The following SHROOM4 variants were observed in gnomAD, a reference collection of about 807,000 sequenced individuals.
The protein encoded by SHROOM4 is shroom family member 4.
In SHROOM4, 17 loss-of-function variants were observed where a neutral mutation model predicts 80.3. The ratio of observed to expected loss-of-function variants is 0.21; its 90% CI spans 0.14 to 0.32. The LOEUF is 0.32. Ranked by LOEUF, SHROOM4 falls within the 10% of genes least tolerant of loss-of-function variation. SHROOM4 has a pLI of 1.00. For synonymous variants in SHROOM4, 400 were observed against 437.5 expected (o/e 0.91, Z 1.07); for missense variants, 993 against 1,140.3 (o/e 0.87, Z 1.86).
intron 1 of SHROOM4, among the ~76,000 whole-genome samples, chrX:50,747,233 T>C (rs782403498): frequency 8.9e-6 from 1 of 112,236 alleles, no homozygotes; most frequent in Non-Finnish European, 1.9e-5. Context: ...AAGAGGAGAA[T>C]TCCAACTATA....
intron 6 of SHROOM4, among the ~76,000 whole-genome samples, chrX:50,604,870 A>G (rs1929597830): frequency 8.9e-6 from 1 of 112,106 alleles, no homozygotes; most frequent in Admixed American, 9.5e-5. Context: ...AGCAAGCTAT[A>G]CCTATACCTG....
intron 1 of SHROOM4, among the ~76,000 whole-genome samples, chrX:50,728,726 T>TA (rs199981053): frequency 0.015 from 1,599 of 109,923 alleles, 19 homozygotes; most frequent in Middle Eastern, 0.052. Flanking sequence ...TGGCTAAATG[T>TA]AAAAAAAAAT....
chrX:50,608,342 G>A (rs1929794784), intron 5 of SHROOM4, among the ~76,000 whole-genome samples, 158 bp from the exon 6 acceptor site: 1 of 111,681 alleles, frequency 9.0e-6, no homozygotes, highest in Non-Finnish European at 1.9e-5. Context: ...AATAATGATA[G>A]CTAACACTTA....
At chrX:50,675,217 T>C (rs1602424605) in intron 2 of SHROOM4, among the ~76,000 whole-genome samples, 1 of 111,394 alleles carries the variant, frequency 9.0e-6, no homozygotes, top group African/African-American at 3.3e-5. Flanking sequence ...AAATAACTAA[T>C]GAGTACTAGG....
chrX:50,594,322 C>T lies in SHROOM4; in HGVS notation c.*2373G>A, dbSNP rs1247928581. ...GTTCACCTTTATCTACCAAGCTTCACTGCTAGATATACTTTTGGGGTTATT... is the reference window on the plus strand; with the variant it reads ...GTTCACCTTTATCTACCAAGCTTCATTGCTAGATATACTTTTGGGGTTATT... On this transcript the variant is annotated 3_prime_UTR_variant, in exon 9 of 9. Coordinates refer to ENST00000376020, the MANE Select transcript of SHROOM4 (RefSeq NM_020717.5). The T allele has an allele frequency of 2.7e-5, 3 of 112,518 alleles. No homozygotes were observed. The highest frequency in any genetic ancestry group is 5.6e-5 in the Non-Finnish European group (3 of 53,301). The allele number at this position is 112,518 out of a possible 1,213,427, so 9.3% of individuals were successfully genotyped here.
At chrX:50,808,848 C>A (rs915618413) in intron 1 of SHROOM4, among the ~76,000 whole-genome samples, 1 of 110,725 alleles carries the variant, frequency 9.0e-6, no homozygotes, top group Non-Finnish European at 1.9e-5. Context: ...ATAGGCTTGA[C>A]CTTTTTTAAC....
chrX:50,622,737 C>G (rs782535442), intron 5 of SHROOM4, among the ~76,000 whole-genome samples: 17 of 112,400 alleles, frequency 1.5e-4, no homozygotes, highest in African/African-American at 5.5e-4. Context: ...GATTTCTCCT[C>G]ACAGATGTCA....
At chrX:50,599,704 T>C (rs1182581193) in intron 7 of SHROOM4, among the ~76,000 whole-genome samples, 1 of 111,554 alleles carries the variant, frequency 9.0e-6, no homozygotes, top group African/African-American at 3.3e-5. Flanking sequence ...ACCTACTCTT[T>C]ATCTCTTTCT....
chrX:50,607,312 A>G, intron 6 of SHROOM4, 69 bp downstream of exon 6: 2 of 1,131,128 alleles, frequency 1.8e-6, no homozygotes, highest in Non-Finnish European at 2.4e-6. Context: ...GTTAGTAAAT[A>G]GTGGAGGTAA....
intron 7 of SHROOM4, 61 bp from the exon 8 acceptor site, chrX:50,598,596 G>T: frequency 8.9e-7 from 1 of 1,129,755 alleles, no homozygotes; most frequent in Non-Finnish European, 1.2e-6. Flanking sequence ...AAACTGATTT[G>T]TGCCTGTAAC....
At chrX:50,808,593 C>T (rs1602531734) in intron 1 of SHROOM4, among the ~76,000 whole-genome samples, 1 of 111,035 alleles carries the variant, frequency 9.0e-6, no homozygotes, top group African/African-American at 3.3e-5. Context: ...ATTAACTTTT[C>T]TCAGATGGGT....
At chrX:50,632,536 G>T (rs1433574917) in intron 4 of SHROOM4, among the ~76,000 whole-genome samples, 1 of 112,073 alleles carries the variant, frequency 8.9e-6, no homozygotes, top group Non-Finnish European at 1.9e-5. Flanking sequence ...AGAGCAGCCA[G>T]TTTAGACCTG....
intron 1 of SHROOM4, among the ~76,000 whole-genome samples, chrX:50,788,595 G>A (rs1259458779): frequency 2.1e-5 from 2 of 97,315 alleles, no homozygotes; most frequent in African/African-American, 4.1e-5. Flanking sequence ...GTGACAAAGC[G>A]AGACTCCGTC....
At chrX:50,711,488 C>T (rs782433315) in intron 1 of SHROOM4, among the ~76,000 whole-genome samples, 6 of 111,948 alleles carry the variant, frequency 5.4e-5, no homozygotes, top group East Asian at 2.8e-4. Context: ...AACTCACCCA[C>T]GTCAGATTTT....
intron 1 of SHROOM4, among the ~76,000 whole-genome samples, chrX:50,743,555 C>T (rs147248848): frequency 0.02 from 2,168 of 110,250 alleles, 23 homozygotes; most frequent in Middle Eastern, 0.056. Context: ...CGGGCTCAAG[C>T]GACCCCCACA....
At chrX:50,631,109 G>C (rs1931042319) in intron 4 of SHROOM4, among the ~76,000 whole-genome samples, 1 of 110,922 alleles carries the variant, frequency 9.0e-6, no homozygotes, top group Non-Finnish European at 1.9e-5. Flanking sequence ...TAAAACTATA[G>C]ACTAAAATCC....
intron 1 of SHROOM4, among the ~76,000 whole-genome samples, chrX:50,744,468 T>C (rs931889069): frequency 8.9e-6 from 1 of 111,963 alleles, no homozygotes; most frequent in African/African-American, 3.2e-5. Flanking sequence ...ACTTCATTGA[T>C]ATTCTTTATT....
At chrX:50,799,932 T>C (rs1431259334) in intron 1 of SHROOM4, among the ~76,000 whole-genome samples, 1 of 112,045 alleles carries the variant, frequency 8.9e-6, no homozygotes, top group African/African-American at 3.2e-5. Flanking sequence ...GAACACAGCT[T>C]ACACACAGGA....
At chrX:50,744,511 TTCATAAAACACAG>T (rs1934734809) in intron 1 of SHROOM4, among the ~76,000 whole-genome samples, 2 of 112,061 alleles carry the variant, frequency 1.8e-5, no homozygotes, top group African/African-American at 3.2e-5. Context: ...TTTCCTTTAG[TTCATAAAACACAG>T]TTTTCTTTAG....
Sources: allele counts gnomAD v4.1 joint callset (sites outside exome capture counted in the v4.1 genomes callset), GRCh38; gene constraint gnomAD v4.1.1; transcripts MANE v1.5; gene names NCBI Gene and HGNC (gene_info 2026-07-23, HGNC 2026-07-21).